Variants in LATS2 observed in about 807,000 individuals in gnomAD.
The protein encoded by LATS2 is large tumor suppressor kinase 2, also known as serine/threonine-protein kinase LATS2.
In LATS2, 24 loss-of-function variants were observed where a neutral mutation model predicts 76.0. The ratio of observed to expected loss-of-function variants is 0.32; its 90% confidence interval spans 0.23 to 0.44. The LOEUF (loss-of-function observed/expected upper bound fraction) is 0.44, where lower values mean the gene tolerates loss of function less well. LATS2 is among the 20% of genes least tolerant of loss of function. LATS2 has a pLI of 1.00. For missense variants in LATS2, 1,286 were observed against 1,481.2 expected, an observed-to-expected ratio of 0.87 and a Z score of 2.16; for synonymous variants, 692 against 635.4, an observed-to-expected ratio of 1.09 and a Z score of -1.34.
At chr13:20,982,602 T>C (rs1413494194) in intron 5 of LATS2, among the ~76,000 whole-genome samples, 2 of 151,764 alleles carry the variant, frequency 1.3e-5, no homozygotes, top group African/African-American at 2.4e-5. Flanking sequence ...TGAGCCACCA[T>C]GCCCAGCCAA....
intron 5 of LATS2, 88 bp from the exon 6 acceptor site, chr13:20,981,736 TAA>T: frequency 8.9e-7 from 1 of 1,123,948 alleles, no homozygotes; most frequent in Non-Finnish European, 1.2e-6. Flanking sequence ...ATCCACAGCT[TAA>T]AACAGCAAAG....
In LATS2 at chr13:21,045,738, C is replaced by A. The variant is rs929786919; in HGVS notation, c.289G>T (p.Ala97Ser). 6.2e-7 allele frequency: 1 copy of A among 1,614,246 alleles called. No homozygotes were observed. Among genetic ancestry groups the A allele is most frequent in the East Asian group, 2.2e-5 (1 of 44,890 alleles). ...TGCAGCATTTGCCGGTTCACTTCTGCAGCTGCAGAGGTGCCCGATTCATTA... is the reference window on the plus strand; with the variant it reads ...TGCAGCATTTGCCGGTTCACTTCTGAAGCTGCAGAGGTGCCCGATTCATTA... The part of the protein sequence containing the change: ...FANESGTSAA[A>S]EVNRQMLQEL... The change falls in exon 2 of 8, where the codon GCA becomes TCA. Residue 97 changes from alanine to serine, a missense_variant. Ala to Ser is a moderately conservative substitution (Grantham distance 99). Transcript: ENST00000382592.
chr13:21,053,930 C>T (rs6490639), intron 1 of LATS2, among the ~76,000 whole-genome samples: 125,798 of 152,124 alleles, frequency 0.83, 52,283 homozygotes, highest in South Asian at 0.91. Flanking sequence ...GGAATTTTTA[C>T]TTAAGGGGTA....
At chr13:21,046,268 G>C (rs1349269300) in intron 1 of LATS2, 38 bp from the exon 2 acceptor site, 3 of 420,126 alleles carry the variant, frequency 7.1e-6, no homozygotes, top group African/African-American at 2.0e-5. Context: ...ATGTTCATTT[G>C]TCATTTTCAC....
chr13:20,989,081 C>T lies in LATS2; in HGVS notation c.699G>A (p.Lys233=), dbSNP rs1022203267. Residue 233 remains lysine, a synonymous_variant, in exon 4 of 8, where the codon AAG becomes AAA. Transcript: ENST00000382592. ...GPGHQHQHPP[K]GYGASVEAAG... ...CTGCCTCTACGCTGGCACCGTAGCC[C>T]TTGGGTGGGTGCTGGTGCTGGTGGC... The T allele has an allele frequency of 1.9e-6, 3 of 1,596,238 alleles. No individual in the cohort carries two copies. In the African/African-American group the frequency reaches 4.0e-5, roughly 21 times the overall value.
At chr13:21,001,228 C>T (rs1393514285) in intron 2 of LATS2, among the ~76,000 whole-genome samples, 2 of 152,190 alleles carry the variant, frequency 1.3e-5, no homozygotes, top group African/African-American at 4.8e-5. Context: ...CAGAGGTAAG[C>T]ACATTCCACA....
At chr13:21,003,428 GTCTT>G (rs1209430156) in intron 2 of LATS2, among the ~76,000 whole-genome samples, 7 of 146,726 alleles carry the variant, frequency 4.8e-5, no homozygotes, top group Non-Finnish European at 7.5e-5. Flanking sequence ...ATTTTTGTCT[GTCTT>G]TCTTTTTTTT....
intron 6 of LATS2, among the ~76,000 whole-genome samples, chr13:20,980,581 G>A (rs1049174540): frequency 1.3e-5 from 2 of 152,176 alleles, no homozygotes; most frequent in Non-Finnish European, 2.9e-5. Context: ...GTCCAAGTTT[G>A]GCAACAGAGG....
At chr13:21,029,487 T>C (rs1565959684) in intron 2 of LATS2, among the ~76,000 whole-genome samples, 1 of 152,334 alleles carries the variant, frequency 6.6e-6, no homozygotes, top group Non-Finnish European at 1.5e-5. Flanking sequence ...TGGATTTATA[T>C]TGCATTTATA....
At chr13:20,976,143 A>T (rs1869614109) in intron 7 of LATS2, among the ~76,000 whole-genome samples, 1 of 151,328 alleles carries the variant, frequency 6.6e-6, no homozygotes, top group African/African-American at 2.4e-5. Flanking sequence ...CACTTGTTGT[A>T]GAGATGTGTC....
At chr13:21,039,162 GGCAAGGAACT>G (rs1872783221) in intron 2 of LATS2, among the ~76,000 whole-genome samples, 1 of 152,100 alleles carries the variant, frequency 6.6e-6, no homozygotes, top group South Asian at 2.1e-4. Context: ...AAGGGGAAAA[GGCAAGGAACT>G]GCTACACCCA....
At chr13:20,999,166 A>T (rs916628117) in intron 2 of LATS2, among the ~76,000 whole-genome samples, 9 of 152,206 alleles carry the variant, frequency 5.9e-5, no homozygotes, top group Non-Finnish European at 1.0e-4. Context: ...TGGCCTTTGG[A>T]GTTTAAATGT....
chr13:21,043,553 A>G (rs1486197848), intron 2 of LATS2, among the ~76,000 whole-genome samples: 1 of 152,214 alleles, frequency 6.6e-6, no homozygotes, highest in Non-Finnish European at 1.5e-5. Flanking sequence ...TTTAAGTTAT[A>G]AAGTAACACC....
At chr13:21,017,576 G>T (rs1012985731) in intron 2 of LATS2, among the ~76,000 whole-genome samples, 1 of 151,744 alleles carries the variant, frequency 6.6e-6, no homozygotes, top group Admixed American at 6.6e-5. Flanking sequence ...AAATGCTTGG[G>T]TGTCATCAGC....
chr13:21,012,799 T>G (rs1257587386), intron 2 of LATS2, among the ~76,000 whole-genome samples: 1 of 150,684 alleles, frequency 6.6e-6, no homozygotes, highest in Non-Finnish European at 1.5e-5. Flanking sequence ...CCCCCCCACC[T>G]CCTAGGAAAT....
At chr13:20,977,288 G>C (rs1170543980) in intron 7 of LATS2, among the ~76,000 whole-genome samples, 1 of 151,818 alleles carries the variant, frequency 6.6e-6, no homozygotes, top group African/African-American at 2.4e-5. Flanking sequence ...CCAGCTGCTT[G>C]GGAGGCTGAG....
intron 1 of LATS2, among the ~76,000 whole-genome samples, chr13:21,058,069 G>A (rs1387166312): frequency 1.3e-5 from 2 of 152,194 alleles, no homozygotes; most frequent in Non-Finnish European, 2.9e-5. Flanking sequence ...TTAAAAGGAA[G>A]AAGATTCAGA....
intron 2 of LATS2, among the ~76,000 whole-genome samples, chr13:21,035,282 T>C (rs1057395230): frequency 1.3e-5 from 2 of 152,098 alleles, no homozygotes; most frequent in Non-Finnish European, 2.9e-5. Context: ...AATTTTGAAA[T>C]TCATCATAAC....
At chr13:20,993,699 G>T (rs923216598) in intron 2 of LATS2, among the ~76,000 whole-genome samples, 1 of 152,134 alleles carries the variant, frequency 6.6e-6, no homozygotes, top group East Asian at 1.9e-4. Context: ...AGAAGGCAGC[G>T]GTGGTTCAGA....
Sources: allele counts gnomAD v4.1 joint callset (sites outside exome capture counted in the v4.1 genomes callset), GRCh38; gene constraint gnomAD v4.1.1; transcripts MANE v1.5; gene names NCBI Gene and HGNC (gene_info 2026-07-23, HGNC 2026-07-21).